Variants in POLE observed in about 807,000 individuals in gnomAD.
POLE encodes DNA polymerase epsilon, catalytic subunit.
A neutral mutation model predicts 279.2 loss-of-function variants in POLE; 188 were observed. That is an observed-to-expected ratio of 0.67 (90% confidence interval 0.60 to 0.76). POLE has a LOEUF of 0.76. POLE is among the 30% of genes least tolerant of loss of function. The pLI is 0.00. For missense variants in POLE, 2,703 were observed against 3,016.7 expected, an observed-to-expected ratio of 0.90 and a Z score of 2.44; for synonymous variants, 1,214 against 1,172.5, an observed-to-expected ratio of 1.04 and a Z score of -0.72.
At chr12:132,660,904 G>C (rs551756374) in intron 25 of POLE, 65 bp downstream of exon 25, 1 of 1,370,784 alleles carries the variant, frequency 7.3e-7, no homozygotes, top group African/African-American at 1.4e-5. Flanking sequence ...CAGGAAGCAC[G>C]GGGTCCCCTT....
At chr12:132,669,637 A>T (rs1267814494) in intron 16 of POLE, among the ~76,000 whole-genome samples, 1 of 152,174 alleles carries the variant, frequency 6.6e-6, no homozygotes, top group Admixed American at 6.5e-5. Flanking sequence ...AGATAAACGA[A>T]TCAGCCGGGG....
rs1368802696 is a variant in POLE at position 132,680,438 on chromosome 12, CCT to C, written c.285+167_285+168del. ...ACCATTCAGAGTCTTCCTGAACTGACCTCTCTCAGGACATCTTACGTGATGAC... is the reference window on the plus strand; with the variant it reads ...ACCATTCAGAGTCTTCCTGAACTGACCTCTCAGGACATCTTACGTGATGAC... On this transcript the variant is annotated intron_variant, in intron 3 of 48. Transcript: ENST00000320574. 7 of 668,310 alleles carry C rather than the reference CCT, an allele frequency of 1.0e-5. No individual in the cohort carries two copies. The African/African-American group carries it at 1.3e-4, about 12-fold the overall frequency. The allele number at this position is 668,310 out of a possible 1,614,324, so 41.4% of individuals were successfully genotyped here.
chr12:132,679,457 T>C (rs747451229), intron 6 of POLE, 40 bp downstream of exon 6: 1 of 1,579,106 alleles, frequency 6.3e-7, no homozygotes, highest in Non-Finnish European at 8.7e-7. Context: ...ATCTTGTCGT[T>C]CTGAACCGCT....
chr12:132,658,193 T>G, intron 26 of POLE: 1 of 485,814 alleles, frequency 2.1e-6, no homozygotes. Context: ...CGTAAACATG[T>G]CTACATGTTC....
chr12:132,656,683 GT>G, intron 29 of POLE, among the ~76,000 whole-genome samples: 1 of 152,332 alleles, frequency 6.6e-6, no homozygotes, highest in South Asian at 2.1e-4. Flanking sequence ...TGTCATGTGA[GT>G]TTGTATACTG....
chr12:132,636,720 A>C (rs1485903070), intron 41 of POLE, among the ~76,000 whole-genome samples: 2 of 152,140 alleles, frequency 1.3e-5, no homozygotes, highest in Non-Finnish European at 2.9e-5. Flanking sequence ...GCACCACTGC[A>C]CTCCAGCCTG....
Position 132,632,427 on chromosome 12 carries a change from TTCTTCTGAA to T in POLE, c.6209_6217del (p.Ile2070_Lys2072del). On this transcript the variant is annotated inframe_deletion, in exon 45 of 49. Transcript: ENST00000320574. ...AGTGGAGTTCCGAGAGCCTGTGACT[TTCTTCTGAA>T]TCTTCTGAGTGATGGTGAAGAAGCT... The T allele has an allele frequency of 6.2e-7, 1 of 1,614,078 alleles. No homozygotes were observed. Among genetic ancestry groups the T allele is most frequent in the Non-Finnish European group, 8.5e-7 (1 of 1,179,902 alleles).
Position 132,673,607 on chromosome 12 carries a change from C to T in POLE, c.1327G>A (p.Asp443Asn). The change falls in exon 13 of 49, where the codon GAC (aspartate) becomes AAC (asparagine). Residue 443 changes from aspartate to asparagine, a missense_variant. By Grantham distance (23) the Asp-to-Asn change is conservative. Coordinates refer to ENST00000320574, the MANE Select transcript of POLE (RefSeq NM_006231.4). ...GYDPVELDPE[D>N]MCRMATEQPQ... ...TGCTCCGTGGCCATCCGGCACATGT[C>T]CTCCGGGTCTAGCTCCACGGGATCA... 6.2e-7 allele frequency: 1 copy of T among 1,613,616 alleles called. No homozygotes were observed. The highest frequency in any genetic ancestry group is 8.5e-7 in the Non-Finnish European group (1 of 1,179,996).
chr12:132,625,815 A>G (rs2041827615), intron 46 of POLE, 45 bp from the exon 47 acceptor site: 1 of 1,594,622 alleles, frequency 6.3e-7, no homozygotes. Flanking sequence ...CAGCCTCCAG[A>G]CCACAGTGCC....
chr12:132,682,883 G>A (rs1418414260), intron 1 of POLE, among the ~76,000 whole-genome samples: 2 of 152,016 alleles, frequency 1.3e-5, no homozygotes, highest in East Asian at 3.9e-4. Context: ...AATCCAGGAG[G>A]CAGAGCTTGC....
At chr12:132,655,004 G>A (rs1418802590) in intron 29 of POLE, among the ~76,000 whole-genome samples, 2 of 152,164 alleles carry the variant, frequency 1.3e-5, no homozygotes, top group African/African-American at 4.8e-5. Context: ...CTGGGCTCAA[G>A]CAATCCTCCT....
At chr12:132,627,018 C>T (rs1053307255) in intron 45 of POLE, among the ~76,000 whole-genome samples, 4 of 152,228 alleles carry the variant, frequency 2.6e-5, no homozygotes, top group African/African-American at 9.6e-5. Context: ...TGGTGGCTCA[C>T]GCCTGTAATC....
chr12:132,686,629 G>A (rs1230326767), intron 1 of POLE, among the ~76,000 whole-genome samples: 2 of 152,144 alleles, frequency 1.3e-5, no homozygotes, highest in South Asian at 2.1e-4. Context: ...CAGCTACTCG[G>A]GAGGCTGAGG....
rs2138501554 is a variant in POLE, at chr12:132,638,090, A to T, written c.5602T>A (p.Phe1868Ile). 1 of 1,614,040 alleles carries T rather than the reference A, an allele frequency of 6.2e-7. No homozygotes were observed. Among genetic ancestry groups the T allele is most frequent in the Non-Finnish European group, 8.5e-7 (1 of 1,179,974 alleles). Residue 1868 changes from phenylalanine (F) to isoleucine (I), a missense_variant, in exon 41 of 49, where the codon TTC (phenylalanine) becomes ATC (isoleucine). Coordinates refer to ENST00000320574, the MANE Select transcript of POLE (RefSeq NM_006231.4). ...TTTGTACAGAGGATGATGCGGTTGA[A>T]GTTGGCGTAGATGACTGATGACCCC... The part of the protein sequence containing the change: ...RLGSSVIYAN[F>I]NRIILCTKKR...
In POLE at chr12:132,675,261, T is replaced by C. The variant is rs1211985678; in HGVS notation, c.1226+137A>G. 2.8e-6 allele frequency: 3 copies of C among 1,080,326 alleles called. No individual in the cohort carries two copies. The East Asian group carries it at 7.5e-5, about 27-fold the overall frequency. The allele number at this position is 1,080,326 out of a possible 1,614,324, so 66.9% of individuals were successfully genotyped here. A position where few individuals can be genotyped will look rare whatever the true frequency, so the allele number is the denominator to read the frequency against. ...GGCCCTGGCAGGGTTGCAGCTGCCA[T>C]ACTCTTGGGTGACCTGAAACGGCCT... On this transcript the variant is annotated intron_variant, in intron 12 of 48. Coordinates refer to ENST00000320574, the MANE Select transcript of POLE (RefSeq NM_006231.4). This position sits in a 1 kb window ranked among gnomAD's most constrained non-coding sequence, Gnocchi z 4.3.
chr12:132,657,820 A>G (rs2042579261), intron 27 of POLE, 48 bp downstream of exon 27: 1 of 1,289,224 alleles, frequency 7.8e-7, no homozygotes, highest in Non-Finnish European at 1.1e-6. Context: ...TGCTCTGTCT[A>G]GCTTTCCTTG....
chr12:132,668,684 A>T lies in POLE; in HGVS notation c.1977T>A (p.Pro659=). 6.2e-7 allele frequency: 1 copy of T among 1,613,992 alleles called. No individual in the cohort carries two copies. The highest frequency in any genetic ancestry group is 1.1e-5 in the South Asian group (1 of 91,070). ...ATCAACDFNK[P]GANCQRKMAW... ...CCATCTTCCGCTGGCAGTTTGCTCC[A>T]GGCTTATTGAAGTCACAGGCAGCAC... The change falls in exon 18 of 49, where the codon CCT becomes CCA. Residue 659 remains proline (P), a synonymous_variant. Coordinates refer to ENST00000320574, the MANE Select transcript of POLE (RefSeq NM_006231.4). This position sits in a 1 kb window ranked among gnomAD's most constrained non-coding sequence, Gnocchi z 4.0.
rs889470853 is a variant in POLE, at chr12:132,679,648, T to C, written c.427A>G (p.Asn143Asp). ...TVPKEDLDLP[N>D]HLVGLKRNYI... ...TTTCGCTTCAAACCCACCAAGTGAT[T>C]TGGCTATAATGCGAAGAGATCACGC... Residue 143 changes from asparagine to aspartate, a missense_variant, in exon 6 of 49, where the codon AAT (asparagine) becomes GAT (aspartate). Asn to Asp is a conservative substitution (Grantham distance 23). Around this residue, in one of 5 missense-constraint regions of POLE, gnomAD observed 1,011 missense variants for 1,111.7 expected, o/e 0.91. Coordinates refer to ENST00000320574, the MANE Select transcript of POLE (RefSeq NM_006231.4). The C allele has an allele frequency of 1.4e-5, 23 of 1,608,660 alleles. No individual in the cohort carries two copies. Among genetic ancestry groups the C allele is most frequent in the Non-Finnish European group, 1.9e-5 (22 of 1,175,432 alleles).
At position 132,643,512 on chromosome 12, in the gene POLE, C is replaced by CCACA; in HGVS notation, c.4335_4338dup (p.Val1447CysfsTer4). The CCACA allele has an allele frequency of 6.2e-7, 1 of 1,614,008 alleles. No individual in the cohort carries two copies. The highest frequency in any genetic ancestry group is 8.5e-7 in the Non-Finnish European group (1 of 1,179,918). ...AGGTGCCTCACCAGCTGTTTATTGA[C>CCACA]CACACACACACAGCCCAGGTGCACC... On this transcript the variant is annotated frameshift_variant, in exon 34 of 49. Transcript: ENST00000320574. LOFTEE classifies it high-confidence loss of function.
Sources: gnomAD v4.1 joint callset for allele counts (sites outside exome capture counted in the v4.1 genomes callset) on GRCh38, gnomAD v4.1.1 for gene constraint, gnomAD v4.1.1 regional missense constraint, Gnocchi (gnomAD v3.1) non-coding constraint, MANE v1.5 for transcripts, NCBI Gene and HGNC (gene_info 2026-07-23, HGNC 2026-07-21) for gene names.